The following TBCE variants were observed in gnomAD, a reference collection of about 807,000 sequenced individuals.
The protein encoded by TBCE is tubulin-specific chaperone E.
In TBCE, 53 loss-of-function variants were observed where a neutral mutation model predicts 77.0. The observed-to-expected ratio is 0.69, with a 90% CI of 0.55 to 0.87. The LOEUF (loss-of-function observed/expected upper bound fraction) is 0.87, where lower values mean the gene tolerates loss of function less well. Ranked by LOEUF, TBCE falls within the 40% of genes least tolerant of loss-of-function variation. The probability of loss-of-function intolerance (pLI) is 0.00; values close to 1 mark genes in which losing one functional copy is unlikely to be tolerated. For missense variants in TBCE, 624 were observed against 622.4 expected (o/e 1.00, Z -0.03); for synonymous variants, 235 against 241.3 (o/e 0.97, Z 0.24).
intron 2 of TBCE, among the ~76,000 whole-genome samples, chr1:235,399,906 C>CGTTTT (rs1427600239): frequency 1.1e-3 from 173 of 152,138 alleles, no homozygotes; most frequent in African/African-American, 4.0e-3. Flanking sequence ...GTGGGGAAAA[C>CGTTTT]CCCCACACAT....
intron 15 of TBCE, among the ~76,000 whole-genome samples, chr1:235,446,555 T>C (rs1055162784): frequency 8.5e-5 from 13 of 152,194 alleles, no homozygotes; most frequent in African/African-American, 2.9e-4. Flanking sequence ...ACACTGGTCA[T>C]AGGCAGGTAA....
chr1:235,382,514 A>G (rs1263799657), intron 2 of TBCE, among the ~76,000 whole-genome samples: 1 of 150,634 alleles, frequency 6.6e-6, no homozygotes, highest in Non-Finnish European at 1.5e-5. Flanking sequence ...ATTCTAACTG[A>G]TGTGAGATGG....
intron 2 of TBCE, among the ~76,000 whole-genome samples, chr1:235,388,286 T>C (rs959838930): frequency 6.9e-4 from 101 of 145,590 alleles, no homozygotes; most frequent in Non-Finnish European, 1.2e-3. Flanking sequence ...GTTACTTCTT[T>C]TTTTTTTTTT....
intron 8 of TBCE, 93 bp from the exon 9 acceptor site, chr1:235,435,652 C>A (rs1681401344): frequency 4.9e-6 from 6 of 1,225,240 alleles, no homozygotes; most frequent in Non-Finnish European, 7.2e-6. Context: ...ATCCCCAGCC[C>A]TCCATCGCAC....
intron 16 of TBCE, 34 bp from the exon 17 acceptor site, chr1:235,448,636 A>T: frequency 6.4e-7 from 1 of 1,567,810 alleles, no homozygotes; most frequent in Non-Finnish European, 8.8e-7. Flanking sequence ...ATCTGTCTTA[A>T]TCACATCCTT....
At chr1:235,422,180 C>T (rs1265835485) in intron 5 of TBCE, among the ~76,000 whole-genome samples, 1 of 152,230 alleles carries the variant, frequency 6.6e-6, no homozygotes, top group Non-Finnish European at 1.5e-5. Context: ...TCAGAGCATT[C>T]TGCATTCTGC....
intron 7 of TBCE, 47 bp downstream of exon 7, chr1:235,430,851 ATGTT>A: frequency 6.6e-7 from 1 of 1,519,362 alleles, no homozygotes; most frequent in South Asian, 1.1e-5. Flanking sequence ...GCAATTAAAA[ATGTT>A]TGGTTTAATA....
chr1:235,431,699 G>A (rs943091342), intron 7 of TBCE, among the ~76,000 whole-genome samples: 6 of 144,998 alleles, frequency 4.1e-5, no homozygotes, highest in Non-Finnish European at 9.0e-5. Context: ...TTGAGACAGA[G>A]TCTCACTCTG....
intron 3 of TBCE, among the ~76,000 whole-genome samples, chr1:235,411,124 G>A (rs911812575): frequency 7.9e-5 from 12 of 152,178 alleles, no homozygotes; most frequent in Non-Finnish European, 1.6e-4. Flanking sequence ...TCCAATATGT[G>A]CCCAGAATTA....
At chr1:235,384,971 C>G (rs554248548) in intron 2 of TBCE, among the ~76,000 whole-genome samples, 91 of 152,040 alleles carry the variant, frequency 6.0e-4, no homozygotes, top group African/African-American at 2.0e-3. Flanking sequence ...AAATTTCCCT[C>G]TACACACTGC....
At chr1:235,427,116 CT>C (rs1424242214) in intron 5 of TBCE, 23 bp from the exon 6 acceptor site, 3 of 1,489,204 alleles carry the variant, frequency 2.0e-6, no homozygotes, top group Admixed American at 1.7e-5. Context: ...TTTGAAATTA[CT>C]GTTTCTTAAC....
intron 5 of TBCE, among the ~76,000 whole-genome samples, chr1:235,425,760 C>T (rs1266555688): frequency 1.3e-5 from 2 of 152,072 alleles, no homozygotes; most frequent in African/African-American, 2.4e-5. Context: ...AGGCTGAGCT[C>T]GTTCCCACCC....
chr1:235,381,460 G>A (rs912008681), intron 2 of TBCE, among the ~76,000 whole-genome samples: 17 of 151,710 alleles, frequency 1.1e-4, no homozygotes, highest in African/African-American at 2.4e-4. Context: ...CAAGGCGGGC[G>A]GATCACAAGG....
intron 3 of TBCE, among the ~76,000 whole-genome samples, chr1:235,409,955 G>C (rs373303927): frequency 6.8e-6 from 1 of 147,248 alleles, no homozygotes; most frequent in Non-Finnish European, 1.5e-5. Flanking sequence ...GCGTGAACCC[G>C]GGAGTTGGAG....
intron 15 of TBCE, among the ~76,000 whole-genome samples, chr1:235,444,971 A>G (rs551910410): frequency 1.3e-5 from 2 of 152,254 alleles, no homozygotes; most frequent in South Asian, 2.1e-4. Context: ...ACCCTTCTCT[A>G]CTTCCACACT....
intron 3 of TBCE, among the ~76,000 whole-genome samples, chr1:235,404,714 G>C (rs916105124): frequency 1.3e-5 from 2 of 151,490 alleles, no homozygotes; most frequent in Admixed American, 6.6e-5. Flanking sequence ...TGTCACCCAG[G>C]CTGGTGTGCA....
rs995874360 is a variant in TBCE, at chr1:235,449,656, A to G, written c.*894A>G. The G allele has an allele frequency of 9.2e-5, 14 of 152,546 alleles. No homozygotes were observed. The highest frequency in any genetic ancestry group is 2.7e-4 in the African/African-American group (11 of 41,448). The allele number at this position is 152,546 out of a possible 1,614,324, so 9.4% of individuals were successfully genotyped here. A position where few individuals can be genotyped will look rare whatever the true frequency, so the allele number is the denominator to read the frequency against. On this transcript the variant is annotated 3_prime_UTR_variant, in exon 17 of 17. Coordinates refer to ENST00000642610, the MANE Select transcript of TBCE (RefSeq NM_003193.5). ...CTCTTCAAGTTAGTTCAAGTTGCCC[A>G]CTTCAGAGATCCACAAAATCTGACA...
chr1:235,437,646 T>G (rs1681551442), intron 12 of TBCE, among the ~76,000 whole-genome samples, 172 bp downstream of exon 12: 1 of 151,682 alleles, frequency 6.6e-6, no homozygotes, highest in Non-Finnish European at 1.5e-5. Flanking sequence ...ACCCCATCTC[T>G]ACAAAAAATA....
chr1:235,424,067 G>A (rs564066672), intron 5 of TBCE, among the ~76,000 whole-genome samples: 1 of 152,176 alleles, frequency 6.6e-6, no homozygotes, highest in Non-Finnish European at 1.5e-5. Context: ...TTTTATGTAT[G>A]TTTGATGACT....
Sources: allele counts gnomAD v4.1 joint callset (sites outside exome capture counted in the v4.1 genomes callset), GRCh38; gene constraint gnomAD v4.1.1; transcripts MANE v1.5; gene names NCBI Gene and HGNC (gene_info 2026-07-23, HGNC 2026-07-21).